The following SLC35F4 variants were observed in gnomAD, a reference collection of about 807,000 sequenced individuals.
The protein encoded by SLC35F4 is solute carrier family 35 member F4.
A neutral mutation model predicts 44.2 loss-of-function variants in SLC35F4; 24 were observed. The ratio of observed to expected loss-of-function variants is 0.54; its 90% CI spans 0.39 to 0.76. SLC35F4 has a LOEUF of 0.76. SLC35F4 is among the 30% of genes least tolerant of loss of function. The probability of loss-of-function intolerance (pLI) is 0.00; values close to 1 mark genes in which losing one functional copy is unlikely to be tolerated. For missense variants in SLC35F4, 562 were observed against 586.1 expected (o/e 0.96, Z 0.42); for synonymous variants, 238 against 223.6 (o/e 1.06, Z -0.57).
intron 1 of SLC35F4, among the ~76,000 whole-genome samples, chr14:57,852,568 G>C (rs988488462): frequency 3.3e-5 from 5 of 152,196 alleles, no homozygotes; most frequent in Non-Finnish European, 7.3e-5. Flanking sequence ...AGCAGTTCCA[G>C]CTTCAAGCAC....
intron 1 of SLC35F4, among the ~76,000 whole-genome samples, chr14:57,767,894 T>C (rs2077271957): frequency 6.6e-6 from 1 of 152,134 alleles, no homozygotes; most frequent in Admixed American, 6.5e-5. Context: ...TATATACACA[T>C]ACGTTCAACA....
At chr14:57,929,939 T>A (rs1172428484) in intron 1 of SLC35F4, among the ~76,000 whole-genome samples, 1 of 151,840 alleles carries the variant, frequency 6.6e-6, no homozygotes, top group East Asian at 1.9e-4. Context: ...GAAACAAGAG[T>A]TCTTTTAGGA....
chr14:57,651,256 G>A (rs562135958), intron 1 of SLC35F4, among the ~76,000 whole-genome samples: 5 of 152,210 alleles, frequency 3.3e-5, no homozygotes, highest in South Asian at 2.1e-4. Flanking sequence ...TGGACTAAAC[G>A]CCCAAAGCTT....
chr14:57,933,436 T>C (rs1348117962), intron 1 of SLC35F4, among the ~76,000 whole-genome samples: 1 of 152,214 alleles, frequency 6.6e-6, no homozygotes. Context: ...CGCTATGTGA[T>C]GACTAAAGCA....
chr14:57,859,029 C>G (rs1887431098), intron 1 of SLC35F4, among the ~76,000 whole-genome samples: 1 of 152,006 alleles, frequency 6.6e-6, no homozygotes, highest in South Asian at 2.1e-4. Flanking sequence ...GGCTTGGGCC[C>G]AGGAGTTTAA....
chr14:57,918,503 G>A (rs1295900852), intron 1 of SLC35F4, among the ~76,000 whole-genome samples: 1 of 152,160 alleles, frequency 6.6e-6, no homozygotes, highest in Non-Finnish European at 1.5e-5. Context: ...TAGTTAGGAT[G>A]GAGTGGTGAC....
intron 4 of SLC35F4, 25 bp downstream of exon 4, chr14:57,581,189 C>T (rs758861875): frequency 6.8e-5 from 102 of 1,489,608 alleles, no homozygotes; most frequent in Non-Finnish European, 7.9e-5. Context: ...GCAGGCATCG[C>T]GCATTGAATC....
intron 1 of SLC35F4, among the ~76,000 whole-genome samples, chr14:57,844,479 T>C (rs966787532): frequency 5.3e-5 from 8 of 152,172 alleles, no homozygotes; most frequent in African/African-American, 1.9e-4. Context: ...TTTCATTAAA[T>C]ATTAAAAGAA....
chr14:57,885,440 T>C (rs1401541164), intron 1 of SLC35F4, among the ~76,000 whole-genome samples: 1 of 152,220 alleles, frequency 6.6e-6, no homozygotes, highest in Admixed American at 6.5e-5. Context: ...AACAGAACTA[T>C]AATACGTGCA....
At chr14:57,665,009 T>C (rs1344723625) in intron 1 of SLC35F4, among the ~76,000 whole-genome samples, 1 of 152,102 alleles carries the variant, frequency 6.6e-6, no homozygotes, top group Non-Finnish European at 1.5e-5. Flanking sequence ...GGGTGGGCTG[T>C]TTTAACAACA....
At chr14:57,844,676 C>A (rs1595195025) in intron 1 of SLC35F4, among the ~76,000 whole-genome samples, 1 of 152,142 alleles carries the variant, frequency 6.6e-6, no homozygotes, top group African/African-American at 2.4e-5. Context: ...ATAGAGAATT[C>A]TTCTCAACAG....
At chr14:57,627,355 T>C (rs192212383) in intron 1 of SLC35F4, among the ~76,000 whole-genome samples, 4 of 152,252 alleles carry the variant, frequency 2.6e-5, no homozygotes, top group Admixed American at 2.6e-4. Flanking sequence ...AATGCTTAAC[T>C]TACCAGTCCC....
intron 1 of SLC35F4, among the ~76,000 whole-genome samples, chr14:57,885,446 G>A (rs1888626625): frequency 6.6e-6 from 1 of 152,128 alleles, no homozygotes; most frequent in South Asian, 2.1e-4. Flanking sequence ...ACTATAATAC[G>A]TGCAGTTTCA....
intron 1 of SLC35F4, among the ~76,000 whole-genome samples, chr14:57,682,005 G>A (rs1320701950): frequency 6.6e-6 from 1 of 152,206 alleles, no homozygotes; most frequent in African/African-American, 2.4e-5. Flanking sequence ...ACAGATGCTG[G>A]TGAGGATATG....
rs10130316 is a variant in SLC35F4, at chr14:57,940,121, A to G, written n.282+41792T>C. 1.8e-3 allele frequency among the ~76,000 whole-genome samples: 275 copies of G among 152,318 alleles called. 1 individual carries two copies. Among genetic ancestry groups the G allele is most frequent in the South Asian group, 6.4e-3 (31 of 4,826 alleles). On this transcript the variant is annotated intron_variant and non_coding_transcript_variant, in intron 1 of 1. Transcript: ENST00000556568. Reference sequence around the variant, plus strand: ...GCTCAGCAAGGCTCTCATTTTCTGTAGAGTTAGGAAAGGGTGTGAATAGAA... The same window carrying G: ...GCTCAGCAAGGCTCTCATTTTCTGTGGAGTTAGGAAAGGGTGTGAATAGAA...
chr14:57,564,207 A>G lies in SLC35F4; in HGVS notation c.1386T>C (p.Asp462=). 2 of 1,613,672 alleles carry G rather than the reference A, an allele frequency of 1.2e-6. No homozygotes were observed. The highest frequency in any genetic ancestry group is 2.2e-5 in the East Asian group (1 of 44,844). The change falls in exon 8 of 8, where the codon GAT becomes GAC. Residue 462 remains aspartate (D), a synonymous_variant. Coordinates refer to ENST00000556826, the MANE Select transcript of SLC35F4 (RefSeq NM_001306087.2). ...GCAGGTGTATGCTGGGATCAGTCAC[A>G]TCATCCACATGCTCCTCACTCTTCT... The part of the protein sequence containing the change: ...KEKKSEEHVD[D]VTDPSIHLRG...
exon 2 of SLC35F4, chr14:57,976,896 T>C (rs1881233667): frequency 1.3e-5 from 2 of 152,224 alleles, no homozygotes; most frequent in African/African-American, 4.8e-5. Context: ...ACTTTGATTG[T>C]CTTGACATTC....
At chr14:57,885,745 A>T (rs1888632695) in intron 1 of SLC35F4, among the ~76,000 whole-genome samples, 1 of 152,220 alleles carries the variant, frequency 6.6e-6, no homozygotes, top group Non-Finnish European at 1.5e-5. Context: ...ATGTTCTATC[A>T]GAAAGCGCTG....
chr14:57,915,760 T>C (rs1039758300), intron 1 of SLC35F4, among the ~76,000 whole-genome samples: 3 of 152,206 alleles, frequency 2.0e-5, no homozygotes, highest in African/African-American at 7.2e-5. Flanking sequence ...TCCAGATTTC[T>C]ACCAATATTT....
Sources: gnomAD v4.1 joint callset for allele counts (sites outside exome capture counted in the v4.1 genomes callset) on GRCh38, gnomAD v4.1.1 for gene constraint, MANE v1.5 for transcripts, NCBI Gene and HGNC (gene_info 2026-07-23, HGNC 2026-07-21) for gene names.